RARB: variants seen among roughly 807,000 people sequenced by gnomAD.
The protein encoded by RARB is retinoic acid receptor beta.
A neutral mutation model predicts 51.9 loss-of-function variants in RARB; 17 were observed. That is an observed-to-expected ratio of 0.33 (90% CI 0.22 to 0.49). The LOEUF is 0.49. Ranked by LOEUF, RARB falls within the 20% of genes least tolerant of loss-of-function variation. The probability of loss-of-function intolerance (pLI) is 0.99; values close to 1 mark genes in which losing one functional copy is unlikely to be tolerated. For synonymous variants in RARB, 215 were observed against 195.4 expected (o/e 1.10, Z -0.84); for missense variants, 369 against 550.8 (o/e 0.67, Z 3.30).
At chr3:25,025,553 T>TA (rs774766209) in intron 2 of RARB, among the ~76,000 whole-genome samples, 101 of 152,274 alleles carry the variant, frequency 6.6e-4, no homozygotes, top group Non-Finnish European at 1.1e-3. Flanking sequence ...AACTATAAGT[T>TA]ACAGTAGTTA....
intron 5 of RARB, among the ~76,000 whole-genome samples, chr3:25,236,681 A>G (rs1702307472): frequency 6.6e-6 from 1 of 152,056 alleles, no homozygotes; most frequent in Admixed American, 6.6e-5. Flanking sequence ...ATGAAAATAA[A>G]TGCTAGATTT....
chr3:25,211,850 A>G (rs929540247), intron 5 of RARB, among the ~76,000 whole-genome samples: 1 of 152,234 alleles, frequency 6.6e-6, no homozygotes, highest in South Asian at 2.1e-4. Context: ...TTGCAGACTC[A>G]TGATTTAAAC....
At chr3:25,415,280 G>A (rs1418021321) in intron 5 of RARB, among the ~76,000 whole-genome samples, 2 of 152,096 alleles carry the variant, frequency 1.3e-5, no homozygotes, top group Non-Finnish European at 1.5e-5. Flanking sequence ...CCTGATGCAA[G>A]ATCACAAAAT....
intron 2 of RARB, among the ~76,000 whole-genome samples, chr3:24,997,050 G>A (rs1163924975): frequency 1.3e-5 from 2 of 151,946 alleles, no homozygotes; most frequent in Non-Finnish European, 2.9e-5. Flanking sequence ...TATTGAGAGT[G>A]GGATATTGAG....
chr3:25,544,175 G>T (rs1181081543), intron 3 of RARB, among the ~76,000 whole-genome samples: 1 of 151,964 alleles, frequency 6.6e-6, no homozygotes, highest in African/African-American at 2.4e-5. Context: ...AACAAGATCA[G>T]AAAAATTGGA....
chr3:25,554,139 C>T (rs555457148), intron 3 of RARB, among the ~76,000 whole-genome samples: 5 of 150,282 alleles, frequency 3.3e-5, no homozygotes, highest in East Asian at 3.9e-4. Context: ...GGGGATTTCC[C>T]GAGAGAAAGT....
intron 2 of RARB, among the ~76,000 whole-genome samples, chr3:24,911,240 T>A (rs765606439): frequency 2.0e-5 from 3 of 152,172 alleles, no homozygotes; most frequent in African/African-American, 4.8e-5. Context: ...TAAAAGAGAA[T>A]TAGAATTCTT....
At chr3:25,238,456 G>A (rs1412266637) in intron 5 of RARB, among the ~76,000 whole-genome samples, 1 of 152,128 alleles carries the variant, frequency 6.6e-6, no homozygotes, top group Admixed American at 6.5e-5. Context: ...TGTGAATAGT[G>A]CTGCAGTAAA....
chr3:25,061,478 G>C (rs1698547933), intron 3 of RARB, among the ~76,000 whole-genome samples: 2 of 151,562 alleles, frequency 1.3e-5, no homozygotes, highest in East Asian at 3.9e-4. Flanking sequence ...TTTTCTAATT[G>C]ATTTTGAACT....
intron 2 of RARB, among the ~76,000 whole-genome samples, chr3:25,487,154 T>C (rs928615107): frequency 1.3e-5 from 2 of 152,172 alleles, no homozygotes; most frequent in Non-Finnish European, 2.9e-5. Context: ...AGCCTGGCCC[T>C]GTGCTACCCT....
chr3:25,571,552 C>A (rs1700712419), intron 4 of RARB, among the ~76,000 whole-genome samples: 2 of 152,196 alleles, frequency 1.3e-5, no homozygotes, highest in African/African-American at 4.8e-5. Context: ...ACTGTCCCAT[C>A]CCAGAGCAGG....
intron 3 of RARB, among the ~76,000 whole-genome samples, chr3:25,557,137 TCACACACACACACACACACA>T (rs55731301): frequency 3.4e-5 from 5 of 145,348 alleles, no homozygotes; most frequent in Non-Finnish European, 7.5e-5. Flanking sequence ...GGCATTGCAT[TCACACACACACACACACACA>T]CACACACACA....
In RARB at chr3:25,594,574, T is replaced by C; in HGVS notation, c.1046T>C (p.Leu349Pro). The C allele has an allele frequency of 6.2e-7, 1 of 1,613,798 alleles. No homozygotes were observed. The highest frequency in any genetic ancestry group is 8.5e-7 in the Non-Finnish European group (1 of 1,179,866). The part of the protein sequence containing the change: ...TKVDKLQEPL[L>P]EALKIYIRKR... ...GTAGATAAGCTACAAGAACCATTGC[T>C]GGAAGCACTAAAAATTTATATCAGA... The change falls in exon 7 of 8, where the codon CTG becomes CCG. Residue 349 changes from leucine (L) to proline (P), a missense_variant. This residue lies in a region of RARB where 76 missense variants were observed against 153.3 expected (regional missense o/e 0.50). Coordinates refer to ENST00000330688, the MANE Select transcript of RARB (RefSeq NM_000965.5).
At chr3:24,884,451 C>T (rs1703232631) in intron 2 of RARB, among the ~76,000 whole-genome samples, 1 of 152,134 alleles carries the variant, frequency 6.6e-6, no homozygotes, top group African/African-American at 2.4e-5. Flanking sequence ...CACAGTTTTC[C>T]AGAGAACATC....
At chr3:24,857,760 A>C (rs1025051676) in intron 1 of RARB, among the ~76,000 whole-genome samples, 9 of 152,174 alleles carry the variant, frequency 5.9e-5, no homozygotes, top group African/African-American at 2.2e-4. Context: ...TACAAAAAAA[A>C]CAAAACAAAA....
chr3:24,865,165 G>A (rs1702823775), intron 2 of RARB, among the ~76,000 whole-genome samples: 1 of 152,046 alleles, frequency 6.6e-6, no homozygotes, highest in South Asian at 2.1e-4. Flanking sequence ...AAAAGGTTGA[G>A]GACCACAGTA....
chr3:25,398,629 A>C (rs1707180859), intron 5 of RARB, among the ~76,000 whole-genome samples: 1 of 152,204 alleles, frequency 6.6e-6, no homozygotes, highest in African/African-American at 2.4e-5. Flanking sequence ...GGGATAAACC[A>C]AGCCCTGTTT....
chr3:24,881,518 TG>T (rs1703166475), intron 2 of RARB, among the ~76,000 whole-genome samples: 1 of 152,188 alleles, frequency 6.6e-6, no homozygotes, highest in African/African-American at 2.4e-5. Flanking sequence ...TTGATTTGTT[TG>T]CATATTACGA....
Position 25,596,698 on chromosome 3 carries a change from G to T in RARB, c.*82G>T. The T allele has an allele frequency of 7.8e-7, 1 of 1,277,474 alleles. No individual in the cohort carries two copies. Among genetic ancestry groups the T allele is most frequent in the South Asian group, 1.6e-5 (1 of 61,566 alleles). 79.1% of individuals were successfully genotyped at this position (1,277,474 alleles called of 1,614,324 possible). A position where few individuals can be genotyped will look rare whatever the true frequency, so the allele number is the denominator to read the frequency against. On this transcript the variant is annotated 3_prime_UTR_variant, in exon 8 of 8. Coordinates refer to ENST00000330688, the MANE Select transcript of RARB (RefSeq NM_000965.5). ...TGCAAGAAAAAACATTTTTACTGCT[G>T]CTTAGTTTTTGGACTGAAAAGATAT... is the stretch of plus-strand genomic sequence containing the variant.
Sources: allele counts gnomAD v4.1 joint callset (sites outside exome capture counted in the v4.1 genomes callset), GRCh38; gene constraint gnomAD v4.1.1; regional missense constraint gnomAD v4.1.1; transcripts MANE v1.5; gene names NCBI Gene and HGNC (gene_info 2026-07-23, HGNC 2026-07-21).